The following TMIE variants were observed in gnomAD, a reference collection of about 807,000 sequenced individuals.
TMIE encodes transmembrane inner ear expressed protein.
Under a neutral mutation model 16.8 loss-of-function variants are expected in TMIE, and 14 were observed. The observed-to-expected ratio is 0.83, with a 90% CI of 0.55 to 1.30. The LOEUF is 1.30. TMIE is among the 50% of genes most tolerant of loss of function. The pLI, the probability that TMIE is intolerant of heterozygous loss-of-function variation, is 0.00. For missense variants in TMIE, 204 were observed against 205.9 expected (o/e 0.99, Z 0.06); for synonymous variants, 75 against 87.2 (o/e 0.86, Z 0.78).
chr3:46,705,502 G>A (rs1350438470), intron 1 of TMIE, among the ~76,000 whole-genome samples: 2 of 152,176 alleles, frequency 1.3e-5, no homozygotes, highest in Non-Finnish European at 2.9e-5. Flanking sequence ...GTGTTCATAG[G>A]GGCCTTGAAC....
upstream of TMIE, among the ~76,000 whole-genome samples, chr3:46,697,200 C>T (rs1437794878): frequency 1.3e-5 from 2 of 152,172 alleles, no homozygotes; most frequent in African/African-American, 4.8e-5. Flanking sequence ...GCCCTTGTTA[C>T]GGTCTTTGGC....
rs1193105184 is a variant in TMIE, at chr3:46,705,916, C to T, written c.211+9C>T. On this transcript the variant is annotated intron_variant, in intron 2 of 3. Coordinates refer to ENST00000643606, the MANE Select transcript of TMIE (RefSeq NM_147196.3). ...CTTCGTGTTGTCCATCAGTGAGTAGCTGTTCCCTTCCCTCTCCACCACACT... is the reference window on the plus strand; with the variant it reads ...CTTCGTGTTGTCCATCAGTGAGTAGTTGTTCCCTTCCCTCTCCACCACACT... The T allele has an allele frequency of 1.9e-6, 3 of 1,612,360 alleles. No homozygotes were observed. Among genetic ancestry groups the T allele is most frequent in the Non-Finnish European group, 2.5e-6 (3 of 1,178,492 alleles).
chr3:46,702,900 G>A (rs1241383905), intron 1 of TMIE, among the ~76,000 whole-genome samples: 2 of 152,140 alleles, frequency 1.3e-5, no homozygotes, highest in Non-Finnish European at 2.9e-5. Context: ...CTCACAGGCT[G>A]CCCTGAGGCC....
At chr3:46,701,265 G>A, upstream of TMIE, 1 of 438,760 alleles carries the variant, frequency 2.3e-6, no homozygotes. This position sits in a 1 kb window ranked among gnomAD's most constrained non-coding sequence, Gnocchi z 4.3. Context: ...GGGCAGGGAG[G>A]GGGAGCCTGC....
chr3:46,709,278 G>T lies in TMIE; in HGVS notation c.361+3G>T. ...TGAGCTCACAGAAGTCCCAGGAGGT[G>T]AGTTGGCCCTGGCTTGAGCCCTGCT... On this transcript the variant is annotated splice_donor_region_variant and intron_variant, in intron 3 of 3. Transcript: ENST00000643606. 1.2e-6 allele frequency: 2 copies of T among 1,614,000 alleles called. No homozygotes were observed. The highest frequency in any genetic ancestry group is 1.7e-6 in the Non-Finnish European group (2 of 1,180,010).
rs1446535495 is a variant in TMIE at position 46,709,232 on chromosome 3, G to A, written c.318G>A (p.Leu106=). The A allele has an allele frequency of 1.2e-6, 2 of 1,614,146 alleles. No homozygotes were observed. Among genetic ancestry groups the A allele is most frequent in the South Asian group, 2.2e-5 (2 of 91,086 alleles). ...RKAAKMYTDK[L]ETVPPLNELT... ...CAGCCAAGATGTACACAGACAAGCT[G>A]GAGACTGTGCCACCCCTCAATGAGC... is the stretch of plus-strand genomic sequence containing the variant. Residue 106 remains leucine, a synonymous_variant, in exon 3 of 4, where the codon CTG becomes CTA. Transcript: ENST00000643606.
At chr3:46,703,350 T>C (rs1700501320) in intron 1 of TMIE, among the ~76,000 whole-genome samples, 1 of 152,088 alleles carries the variant, frequency 6.6e-6, no homozygotes, top group Non-Finnish European at 1.5e-5. Context: ...GGGGCAAGAA[T>C]GTGTAGGAAG....
chr3:46,702,877 C>T (rs572389323), intron 1 of TMIE, among the ~76,000 whole-genome samples: 3 of 152,180 alleles, frequency 2.0e-5, no homozygotes, highest in East Asian at 1.9e-4. Context: ...CCCTGTGAGG[C>T]GTACTTGGGC....
rs190002988 is a variant in TMIE, at chr3:46,709,836, A to G, written c.*148A>G. ...GCCCATGGCCACATCCTCATGGCCC[A>G]TCAGGGGCAGGAACCAGACAATCTC... On this transcript the variant is annotated 3_prime_UTR_variant, in exon 4 of 4. Transcript: ENST00000643606. The G allele has an allele frequency of 3.4e-4, 512 of 1,495,464 alleles. 4 individuals are homozygous for G. In the East Asian group the frequency reaches 0.011, roughly 32 times the overall value. 92.6% of individuals were successfully genotyped at this position (1,495,464 alleles called of 1,614,324 possible).
chr3:46,700,568 G>T (rs1700457883), upstream of TMIE, among the ~76,000 whole-genome samples: 1 of 152,110 alleles, frequency 6.6e-6, no homozygotes, highest in South Asian at 2.1e-4. Flanking sequence ...GAGGGAAGGG[G>T]AGTCTACCAA....
chr3:46,709,460 TAGGAAGA>T, intron 3 of TMIE, 112 bp from the exon 4 acceptor site: 1 of 1,607,786 alleles, frequency 6.2e-7, no homozygotes, highest in Non-Finnish European at 8.5e-7. Flanking sequence ...TATTCTCCAG[TAGGAAGA>T]AGGAAGAAAA....
At chr3:46,695,616 T>C (rs1700401965) in intron 1 of TMIE, among the ~76,000 whole-genome samples, 1 of 152,162 alleles carries the variant, frequency 6.6e-6, no homozygotes, top group African/African-American at 2.4e-5. Flanking sequence ...TCACCACTTG[T>C]GACGAACAGG....
intron 3 of TMIE, 27 bp downstream of exon 3, chr3:46,709,302 C>A (rs756742385): frequency 1.9e-5 from 31 of 1,613,152 alleles, no homozygotes; most frequent in Non-Finnish European, 2.5e-5. Context: ...TTGAGCCCTG[C>A]TGCGCCAGCC....
chr3:46,708,370 C>A (rs1243827856), intron 2 of TMIE, among the ~76,000 whole-genome samples: 1 of 152,170 alleles, frequency 6.6e-6, no homozygotes, highest in Non-Finnish European at 1.5e-5. Flanking sequence ...TAATAGGAAC[C>A]AGCTCCATCC....
At chr3:46,700,860 G>A (rs1700461193), upstream of TMIE, among the ~76,000 whole-genome samples, 4 of 152,178 alleles carry the variant, frequency 2.6e-5, 1 homozygote, top group South Asian at 8.3e-4. Context: ...TGAAGATGCT[G>A]GCTTCTTCTG....
intron 1 of TMIE, chr3:46,694,697 C>G (rs112579976): frequency 0.045 from 6,904 of 152,396 alleles, 229 homozygotes; most frequent in Non-Finnish European, 0.071. Flanking sequence ...TACTGTCTGC[C>G]AAGCTGCACA....
upstream of TMIE, among the ~76,000 whole-genome samples, chr3:46,696,979 C>T (rs1391984666): frequency 6.6e-6 from 1 of 152,176 alleles, no homozygotes; most frequent in Non-Finnish European, 1.5e-5. Flanking sequence ...CAGTACTGGA[C>T]ACTGAGCAGT....
In TMIE at chr3:46,701,555, C is replaced by A; in HGVS notation, c.68C>A (p.Ala23Glu). ...GGCGCCGCACTCGGGGTGTGCCTCG[C>A]GGGGGTTGCCGGGCAGCTGGTGGAG... ...LGGAALGVCL[A>E]GVAGQLVEPS... is the part of the protein sequence containing the mutation. Residue 23 changes from alanine (A) to glutamate (E), a missense_variant, in exon 1 of 4, where the codon GCG becomes GAG. Transcript: ENST00000643606. The surrounding 1 kb of genome is among the most constrained non-coding windows in gnomAD (Gnocchi z 4.3). 2.3e-6 allele frequency: 3 copies of A among 1,285,310 alleles called. No homozygotes were observed. The highest frequency in any genetic ancestry group is 2.6e-5 in the South Asian group (1 of 38,352). The allele number at this position is 1,285,310 out of a possible 1,614,324, so 79.6% of individuals were successfully genotyped here.
intron 1 of TMIE, among the ~76,000 whole-genome samples, chr3:46,704,519 C>A (rs1306878858): frequency 1.4e-5 from 2 of 147,752 alleles, no homozygotes; most frequent in Admixed American, 6.7e-5. Context: ...CCCTAGACGC[C>A]CAGGGCAGGA....
Sources: allele counts gnomAD v4.1 joint callset (sites outside exome capture counted in the v4.1 genomes callset), GRCh38; gene constraint gnomAD v4.1.1; non-coding constraint Gnocchi (gnomAD v3.1); transcripts MANE v1.5; gene names NCBI Gene and HGNC (gene_info 2026-07-23, HGNC 2026-07-21).